Variants in PCM1 observed in about 807,000 individuals in gnomAD.
The protein encoded by PCM1 is pericentriolar material 1 protein.
PCM1 carries 157 observed loss-of-function variants against 241.9 expected under a neutral mutation model. The ratio of observed to expected loss-of-function variants is 0.65; its 90% CI spans 0.57 to 0.74. PCM1 has a LOEUF of 0.74. Ranked by LOEUF, PCM1 falls within the 30% of genes least tolerant of loss-of-function variation. The pLI is 0.00. For missense variants in PCM1, 3,478 were observed against 2,360.1 expected (o/e 1.47, Z -9.81); for synonymous variants, 1,085 against 784.9 (o/e 1.38, Z -6.39).
At chr8:18,021,898 C>CT (rs981954365) in intron 36 of PCM1, among the ~76,000 whole-genome samples, 15 of 152,162 alleles carry the variant, frequency 9.9e-5, no homozygotes, top group African/African-American at 2.9e-4. Flanking sequence ...ACTCAATACT[C>CT]TAAGACCTTA....
At chr8:17,925,285 G>T (rs1042754885) in intron 2 of PCM1, 2 of 152,020 alleles carry the variant, frequency 1.3e-5, no homozygotes. Context: ...TACTTTTAGC[G>T]CATAGTACAT....
In PCM1 at chr8:17,962,066, C is replaced by G. The variant is rs773259751; in HGVS notation, c.2355C>G (p.Thr785=). The G allele has an allele frequency of 6.2e-7, 1 of 1,610,280 alleles. No individual in the cohort carries two copies. ...CTGCTAGTGTGGGTAACTGTCCCAC[C>G]AAAAAATATATGCCAGCTGTTACTT... ...LSAASVGNCP[T]KKYMPAVTST... Residue 785 remains threonine (T), a synonymous_variant, in exon 16 of 39, where the codon ACC becomes ACG. Coordinates refer to ENST00000325083, the MANE Select transcript of PCM1 (RefSeq NM_006197.4).
At chr8:18,011,174 T>C in intron 32 of PCM1, 63 bp from the exon 33 acceptor site, 1 of 1,136,396 alleles carries the variant, frequency 8.8e-7, no homozygotes. Flanking sequence ...TACGATAGAC[T>C]TACTATATAC....
intron 38 of PCM1, 128 bp from the exon 39 acceptor site, chr8:18,027,509 G>C (rs1320464971): frequency 1.7e-6 from 1 of 586,940 alleles, no homozygotes; most frequent in African/African-American, 1.9e-5. Context: ...AATTGTATTA[G>C]CAAGCTAATT....
chr8:17,972,870 A>C (rs192059973), intron 23 of PCM1, among the ~76,000 whole-genome samples, 183 bp downstream of exon 23: 1 of 152,128 alleles, frequency 6.6e-6, no homozygotes, highest in African/African-American at 2.4e-5. Context: ...TATTCGAAAT[A>C]GGGTTTAATT....
intron 38 of PCM1, among the ~76,000 whole-genome samples, chr8:18,025,988 C>T (rs1386150754): frequency 1.3e-5 from 2 of 151,404 alleles, no homozygotes; most frequent in Non-Finnish European, 2.9e-5. Flanking sequence ...CATGGTGAAA[C>T]CCCGTCTCTA....
intron 2 of PCM1, among the ~76,000 whole-genome samples, chr8:17,933,980 A>C (rs2059741210): frequency 6.6e-6 from 1 of 152,144 alleles, no homozygotes; most frequent in South Asian, 2.1e-4. Context: ...AGTGAAATAT[A>C]ACAGGAAGGG....
At position 17,966,342 on chromosome 8, in the gene PCM1, G is replaced by A. The variant is rs1043426406; in HGVS notation, c.3090G>A (p.Leu1030=). ...LMQDQQTLSC[L]LQTLLTGPYS... Reference sequence around the variant, plus strand: ...TCTTTCAATAGACTCTATCTTGTCTGCTACAAACTCTTCTCACGGGTCCTT... The same window carrying A: ...TCTTTCAATAGACTCTATCTTGTCTACTACAAACTCTTCTCACGGGTCCTT... Residue 1030 remains leucine, a synonymous_variant, in exon 20 of 39, where the codon CTG becomes CTA. Transcript: ENST00000325083. The A allele has an allele frequency of 1.2e-6, 2 of 1,613,794 alleles. No homozygotes were observed. Among genetic ancestry groups the A allele is most frequent in the South Asian group, 2.2e-5 (2 of 91,066 alleles).
rs966696504 is a variant in PCM1 at position 18,029,606 on chromosome 8, A to G, written c.*1944A>G. ...TTATTTGACTGGTGTTACAGCTGCT[A>G]TTAATCTAAGTCTATTGTTTTTCTA... On this transcript the variant is annotated 3_prime_UTR_variant, in exon 39 of 39. Coordinates refer to ENST00000325083, the MANE Select transcript of PCM1 (RefSeq NM_006197.4). 6 of 204,764 alleles carry G rather than the reference A, an allele frequency of 2.9e-5. No individual in the cohort carries two copies. Among genetic ancestry groups the G allele is most frequent in the African/African-American group, 1.1e-4 (5 of 43,800 alleles). 12.7% of individuals were successfully genotyped at this position (204,764 alleles called of 1,614,324 possible).
intron 18 of PCM1, among the ~76,000 whole-genome samples, chr8:17,965,499 A>T (rs2074492482): frequency 6.6e-6 from 1 of 152,244 alleles, no homozygotes; most frequent in African/African-American, 2.4e-5. Flanking sequence ...CAGTAGATCC[A>T]GGTAAACTGG....
chr8:18,025,699 A>T (rs1350856774), intron 38 of PCM1, 41 bp downstream of exon 38: 2 of 1,166,210 alleles, frequency 1.7e-6, no homozygotes, highest in Non-Finnish European at 2.5e-6. Flanking sequence ...TTGAAAAATC[A>T]TTGAATCTTC....
chr8:17,976,394 A>G (rs983412346), intron 23 of PCM1, among the ~76,000 whole-genome samples: 50 of 152,212 alleles, frequency 3.3e-4, no homozygotes, highest in African/African-American at 1.0e-3. Context: ...CTGCAAATGT[A>G]CCCTACAAGG....
At chr8:17,974,943 A>C (rs563094369) in intron 23 of PCM1, among the ~76,000 whole-genome samples, 43 of 152,196 alleles carry the variant, frequency 2.8e-4, no homozygotes, top group African/African-American at 1.0e-3. Flanking sequence ...GAGCCGAAGT[A>C]ATATGGGGTA....
intron 1 of PCM1, 80 bp from the exon 2 acceptor site, chr8:17,924,633 C>G (rs1331980722): frequency 6.6e-6 from 1 of 152,016 alleles, no homozygotes; most frequent in East Asian, 1.9e-4. Flanking sequence ...TACTTTAGAC[C>G]AAAACTGAAG....
At position 17,935,294 on chromosome 8, in the gene PCM1, C is replaced by T. The variant is rs565035345; in HGVS notation, c.-22-295C>T. On this transcript the variant is annotated intron_variant, in intron 2 of 38. Transcript: ENST00000325083. ...ACACTTTTCCTACTTTATTGTTCTA[C>T]CCTTTGGAACTGTGTTGAATTAAGT... is the stretch of plus-strand genomic sequence containing the variant. Among the ~76,000 whole-genome samples, 34 of 152,294 alleles carry T rather than the reference C, an allele frequency of 2.2e-4. 1 individual carries two copies. The highest frequency in any genetic ancestry group is 1.4e-3 in the Admixed American group (21 of 15,296).
chr8:18,020,816 A>C (rs907879032), intron 36 of PCM1, among the ~76,000 whole-genome samples: 11 of 152,138 alleles, frequency 7.2e-5, no homozygotes, highest in Non-Finnish European at 1.3e-4. Flanking sequence ...ATGCCTTTGG[A>C]GTGAGTGATG....
chr8:17,967,014 C>CA lies in PCM1; in HGVS notation c.3260dup (p.Asn1087LysfsTer15). ...AATGCTAAATGAACTTATGCGCCAG[C>CA]AAAATCAGCATCCAGAAAAACCTGG... is the stretch of plus-strand genomic sequence containing the variant. On this transcript the variant is annotated frameshift_variant, in exon 21 of 39. Coordinates refer to ENST00000325083, the MANE Select transcript of PCM1 (RefSeq NM_006197.4). LOFTEE classifies it high-confidence loss of function. 4 of 1,608,484 alleles carry CA rather than the reference C, an allele frequency of 2.5e-6. No individual in the cohort carries two copies. Among genetic ancestry groups the CA allele is most frequent in the Non-Finnish European group, 3.4e-6 (4 of 1,177,270 alleles).
intron 5 of PCM1, among the ~76,000 whole-genome samples, 183 bp from the exon 6 acceptor site, chr8:17,939,508 G>A (rs2061417006): frequency 6.6e-6 from 1 of 152,036 alleles, no homozygotes; most frequent in Non-Finnish European, 1.5e-5. Flanking sequence ...TACCAATTAT[G>A]TCTTGATTAA....
chr8:17,924,073 G>A (rs1328787917), intron 1 of PCM1, among the ~76,000 whole-genome samples: 2 of 152,046 alleles, frequency 1.3e-5, no homozygotes, highest in South Asian at 2.1e-4. Context: ...TTGGGCGCTG[G>A]AAGGAGCGGG....
Sources: gnomAD v4.1 joint callset for allele counts (sites outside exome capture counted in the v4.1 genomes callset) on GRCh38, gnomAD v4.1.1 for gene constraint, MANE v1.5 for transcripts, NCBI Gene and HGNC (gene_info 2026-07-23, HGNC 2026-07-21) for gene names.